ITGBL1: variants seen among roughly 807,000 people sequenced by gnomAD.
ITGBL1 encodes integrin beta-like protein 1.
A neutral mutation model predicts 68.5 loss-of-function variants in ITGBL1; 51 were observed. That is an observed-to-expected ratio of 0.74 (90% CI 0.59 to 0.94). The LOEUF (loss-of-function observed/expected upper bound fraction) is 0.94, where lower values mean the gene tolerates loss of function less well. ITGBL1 is among the 40% of genes least tolerant of loss of function. The pLI is 0.00. For missense variants in ITGBL1, 649 were observed against 647.4 expected (o/e 1.00, Z -0.03); for synonymous variants, 209 against 227.3 (o/e 0.92, Z 0.72).
intron 7 of ITGBL1, among the ~76,000 whole-genome samples, chr13:101,653,870 GTT>G (rs1156397350): frequency 5.4e-5 from 3 of 55,130 alleles, no homozygotes; most frequent in East Asian, 1.1e-3. Context: ...TTTGTTTTTT[GTT>G]TTTTTTTTTT....
chr13:101,677,940 A>G (rs924618946), intron 7 of ITGBL1, among the ~76,000 whole-genome samples: 4 of 152,202 alleles, frequency 2.6e-5, no homozygotes, highest in African/African-American at 9.7e-5. Flanking sequence ...GTTTTCCAAA[A>G]TTGGATATAA....
chr13:101,601,936 A>G (rs2030409431), intron 7 of ITGBL1, among the ~76,000 whole-genome samples: 2 of 152,052 alleles, frequency 1.3e-5, no homozygotes, highest in African/African-American at 4.8e-5. Context: ...TCCCTGAATG[A>G]GGGGCTATTA....
At chr13:101,461,351 T>C (rs554057934) in intron 2 of ITGBL1, among the ~76,000 whole-genome samples, 2 of 152,260 alleles carry the variant, frequency 1.3e-5, no homozygotes, top group African/African-American at 4.8e-5. Flanking sequence ...TTGTTACATC[T>C]GACCTTGTGA....
chr13:101,614,648 G>A (rs1045347858), intron 7 of ITGBL1, among the ~76,000 whole-genome samples: 9 of 152,130 alleles, frequency 5.9e-5, no homozygotes, highest in Non-Finnish European at 1.3e-4. Flanking sequence ...CCAGGTTTTT[G>A]TTTGGGCTTT....
chr13:101,575,870 C>T (rs2050350525), intron 4 of ITGBL1, among the ~76,000 whole-genome samples: 2 of 152,260 alleles, frequency 1.3e-5, no homozygotes, highest in South Asian at 4.1e-4. Context: ...TTCTCCTACT[C>T]TCTTAAGTGT....
chr13:101,560,772 A>G (rs2050086597), intron 2 of ITGBL1, among the ~76,000 whole-genome samples: 1 of 152,190 alleles, frequency 6.6e-6, no homozygotes, highest in Admixed American at 6.5e-5. Flanking sequence ...TGTATTTACA[A>G]TCTCTGAGCT....
intron 2 of ITGBL1, among the ~76,000 whole-genome samples, chr13:101,524,913 A>G (rs2049348767): frequency 6.6e-6 from 1 of 152,122 alleles, no homozygotes; most frequent in African/African-American, 2.4e-5. Flanking sequence ...TCGGCTCAAC[A>G]CTGCTTTTGG....
At chr13:101,603,972 G>T (rs2030542809) in intron 7 of ITGBL1, among the ~76,000 whole-genome samples, 1 of 151,928 alleles carries the variant, frequency 6.6e-6, no homozygotes, top group African/African-American at 2.4e-5. Flanking sequence ...AAATGGTTAT[G>T]TTGCTAGTAG....
At chr13:101,634,679 G>A (rs977969856) in intron 7 of ITGBL1, among the ~76,000 whole-genome samples, 29 of 152,112 alleles carry the variant, frequency 1.9e-4, no homozygotes, top group Non-Finnish European at 1.5e-4. Context: ...TGTGTCATAT[G>A]CACTGAATAG....
At chr13:101,617,628 T>G (rs913330485) in intron 7 of ITGBL1, among the ~76,000 whole-genome samples, 4 of 152,210 alleles carry the variant, frequency 2.6e-5, no homozygotes, top group Admixed American at 1.3e-4. Flanking sequence ...AAATACAGTC[T>G]TTTATTAAAA....
chr13:101,523,699 G>A (rs1408603555), intron 2 of ITGBL1, among the ~76,000 whole-genome samples: 2 of 150,038 alleles, frequency 1.3e-5, no homozygotes, highest in African/African-American at 4.9e-5. Flanking sequence ...ACAACACTTC[G>A]AACTTCAAAT....
At chr13:101,515,018 C>T (rs1242892068) in intron 2 of ITGBL1, among the ~76,000 whole-genome samples, 1 of 152,044 alleles carries the variant, frequency 6.6e-6, no homozygotes, top group African/African-American at 2.4e-5. Context: ...ATAGTTCTCT[C>T]TAGAGTGAAA....
chr13:101,692,543 G>C (rs199603763), intron 7 of ITGBL1, 42 bp from the exon 8 acceptor site: 1 of 1,333,818 alleles, frequency 7.5e-7, no homozygotes, highest in East Asian at 2.3e-5. Context: ...TAGTGATTCC[G>C]GGACTCTCCT....
rs16959163 is a variant in ITGBL1, at chr13:101,590,272, T to C, written c.868+6916T>C. ...TTAAAGATGTCAACATGTGAATGGA[T>C]TTCAGATAGGAAAAAATGGTTGCTT... On this transcript the variant is annotated intron_variant, in intron 6 of 10. Coordinates refer to ENST00000376180, the MANE Select transcript of ITGBL1 (RefSeq NM_004791.3). 9.0e-3 allele frequency among the ~76,000 whole-genome samples: 1,375 copies of C among 152,290 alleles called. 22 individuals carry two copies. Among genetic ancestry groups the C allele is most frequent in the African/African-American group, 0.031 (1,299 of 41,550 alleles).
intron 7 of ITGBL1, among the ~76,000 whole-genome samples, chr13:101,608,923 G>T (rs2139362127): frequency 6.6e-6 from 1 of 152,134 alleles, no homozygotes; most frequent in Non-Finnish European, 1.5e-5. Flanking sequence ...AAATATAAAT[G>T]AATTGGTGAG....
At chr13:101,607,403 G>A (rs1471312896) in intron 7 of ITGBL1, among the ~76,000 whole-genome samples, 1 of 151,932 alleles carries the variant, frequency 6.6e-6, no homozygotes, top group East Asian at 1.9e-4. Flanking sequence ...CATATTTCCT[G>A]TTACAAATAT....
intron 6 of ITGBL1, among the ~76,000 whole-genome samples, chr13:101,593,264 G>A (rs1183089612): frequency 6.6e-6 from 1 of 151,752 alleles, no homozygotes; most frequent in African/African-American, 2.4e-5. Flanking sequence ...AAAGACAAAA[G>A]AAAACAAATG....
chr13:101,485,356 T>G (rs2048686323), intron 2 of ITGBL1, among the ~76,000 whole-genome samples: 6 of 152,060 alleles, frequency 3.9e-5, no homozygotes, highest in Admixed American at 3.9e-4. Context: ...AAAGAGAAGT[T>G]TGCATCAAAA....
chr13:101,498,173 C>A (rs1267388253), intron 2 of ITGBL1, among the ~76,000 whole-genome samples: 1 of 151,912 alleles, frequency 6.6e-6, no homozygotes, highest in Non-Finnish European at 1.5e-5. Flanking sequence ...TGTTCTGTAT[C>A]CGAGACCTCA....
Sources: allele counts gnomAD v4.1 joint callset (sites outside exome capture counted in the v4.1 genomes callset), GRCh38; gene constraint gnomAD v4.1.1; transcripts MANE v1.5; gene names NCBI Gene and HGNC (gene_info 2026-07-23, HGNC 2026-07-21).